CNBD1: variants seen among roughly 807,000 people sequenced by gnomAD.
CNBD1 encodes the protein cyclic nucleotide-binding domain-containing protein 1.
A neutral mutation model predicts 54.4 loss-of-function variants in CNBD1; 71 were observed. The observed-to-expected ratio is 1.30, with a 90% CI of 1.08 to 1.59. CNBD1 has a LOEUF of 1.59. Ranked by LOEUF, CNBD1 falls within the 40% of genes most tolerant of loss-of-function variation. The pLI, the probability that CNBD1 is intolerant of heterozygous loss-of-function variation, is 0.00. For synonymous variants in CNBD1, 182 were observed against 170.7 expected, an observed-to-expected ratio of 1.07 and a Z score of -0.51; for missense variants, 659 against 518.0, an observed-to-expected ratio of 1.27 and a Z score of -2.64.
intron 8 of CNBD1, among the ~76,000 whole-genome samples, chr8:87,305,238 C>T (rs1257430381): frequency 1.3e-5 from 2 of 152,100 alleles, no homozygotes; most frequent in African/African-American, 4.8e-5. Flanking sequence ...CTACCAAACA[C>T]TGCTGAAAGA....
At chr8:87,354,269 T>G (rs928712923) in intron 10 of CNBD1, among the ~76,000 whole-genome samples, 1 of 128,686 alleles carries the variant, frequency 7.8e-6, no homozygotes, top group Non-Finnish European at 1.8e-5. Context: ...AGTCACACAA[T>G]AGTAAGTGAA....
intron 8 of CNBD1, among the ~76,000 whole-genome samples, chr8:87,339,449 C>A (rs1810020271): frequency 6.6e-6 from 1 of 151,768 alleles, no homozygotes; most frequent in Non-Finnish European, 1.5e-5. Context: ...TTTTGTGTAT[C>A]AATCTCTCCA....
intron 10 of CNBD1, among the ~76,000 whole-genome samples, chr8:87,374,973 CA>C (rs1810895662): frequency 6.7e-6 from 1 of 150,150 alleles, no homozygotes; most frequent in Non-Finnish European, 1.5e-5. Flanking sequence ...GAGGAGTTCT[CA>C]AAACAAGTAA....
chr8:87,242,037 C>T (rs1180595985), intron 6 of CNBD1, among the ~76,000 whole-genome samples: 1 of 152,170 alleles, frequency 6.6e-6, no homozygotes, highest in Non-Finnish European at 1.5e-5. Context: ...GGGGGTCAGA[C>T]ATTCCTCATT....
chr8:86,955,285 A>G (rs1447706831), intron 4 of CNBD1, among the ~76,000 whole-genome samples: 4 of 152,162 alleles, frequency 2.6e-5, no homozygotes, highest in South Asian at 2.1e-4. Context: ...TAGTGCCCCA[A>G]AAAACATACG....
intron 4 of CNBD1, among the ~76,000 whole-genome samples, chr8:86,966,826 C>G (rs1397804265): frequency 1.3e-5 from 2 of 152,150 alleles, no homozygotes; most frequent in Non-Finnish European, 2.9e-5. Context: ...ACAAAGCTTC[C>G]ACAGCATGGA....
intron 4 of CNBD1, among the ~76,000 whole-genome samples, chr8:87,019,389 T>A (rs1262731804): frequency 6.6e-6 from 1 of 152,224 alleles, no homozygotes; most frequent in African/African-American, 2.4e-5. Context: ...TAGATTTATA[T>A]AACTTTCCCT....
chr8:87,015,977 C>CAAAAAAAAAAAAAAAA (rs58453987), intron 4 of CNBD1, among the ~76,000 whole-genome samples: 1 of 55,970 alleles, frequency 1.8e-5, no homozygotes, highest in Non-Finnish European at 3.2e-5. Flanking sequence ...GAATCCGTCT[C>CAAAAAAAAAAAAAAAA]AAAAAAAAAA....
chr8:86,971,893 T>C (rs1808227902), intron 4 of CNBD1, among the ~76,000 whole-genome samples: 1 of 152,202 alleles, frequency 6.6e-6, no homozygotes, highest in Admixed American at 6.5e-5. Flanking sequence ...CTGGGAATAA[T>C]TATCATTTTA....
intron 4 of CNBD1, among the ~76,000 whole-genome samples, chr8:87,128,517 T>A (rs1812047060): frequency 6.6e-6 from 1 of 152,196 alleles, no homozygotes; most frequent in African/African-American, 2.4e-5. Context: ...TTTTCACAGA[T>A]CCCCTTTATC....
intron 4 of CNBD1, among the ~76,000 whole-genome samples, chr8:87,152,942 A>T (rs1812637828): frequency 6.6e-6 from 1 of 152,144 alleles, no homozygotes; most frequent in Non-Finnish European, 1.5e-5. Context: ...TATCAAAACA[A>T]TTTCCAGTAA....
intron 2 of CNBD1, among the ~76,000 whole-genome samples, chr8:87,400,535 AAT>A (rs1482565626): frequency 6.6e-6 from 1 of 152,014 alleles, no homozygotes; most frequent in Non-Finnish European, 1.5e-5. Flanking sequence ...AATGGCCATC[AAT>A]AAAATTTTTC....
At chr8:87,362,250 G>A (rs1180908211) in intron 10 of CNBD1, among the ~76,000 whole-genome samples, 1 of 152,018 alleles carries the variant, frequency 6.6e-6, no homozygotes, top group Non-Finnish European at 1.5e-5. Flanking sequence ...AGAAACAAGG[G>A]CACAGTCTCC....
intron 4 of CNBD1, among the ~76,000 whole-genome samples, chr8:87,084,846 T>G (rs1019852488): frequency 6.6e-6 from 1 of 152,144 alleles, no homozygotes; most frequent in African/African-American, 2.4e-5. Context: ...CAGCTAATTT[T>G]GTATTTTTAG....
intron 4 of CNBD1, among the ~76,000 whole-genome samples, chr8:87,040,972 G>T (rs1039702295): frequency 1.3e-5 from 2 of 151,918 alleles, no homozygotes; most frequent in Non-Finnish European, 2.9e-5. Context: ...GATTACAAAA[G>T]TAATTGCAAA....
At chr8:87,360,812 T>C (rs1228141902) in intron 10 of CNBD1, among the ~76,000 whole-genome samples, 2 of 151,924 alleles carry the variant, frequency 1.3e-5, no homozygotes, top group Admixed American at 1.3e-4. Context: ...GTATAAACTA[T>C]CTGAAAGTTT....
intron 4 of CNBD1, among the ~76,000 whole-genome samples, chr8:87,127,692 A>G (rs1278109248): frequency 6.6e-6 from 1 of 152,172 alleles, no homozygotes; most frequent in Non-Finnish European, 1.5e-5. Flanking sequence ...GTTTAACAAG[A>G]GTGATGAGAA....
At chr8:86,873,348 G>T (rs933816352) in intron 1 of CNBD1, among the ~76,000 whole-genome samples, 1 of 151,746 alleles carries the variant, frequency 6.6e-6, no homozygotes, top group African/African-American at 2.4e-5. Context: ...TGATCTGCCC[G>T]CCTCGGCCTC....
intron 2 of CNBD1, among the ~76,000 whole-genome samples, chr8:87,401,328 G>A (rs1435581246): frequency 6.6e-6 from 1 of 151,936 alleles, no homozygotes; most frequent in East Asian, 1.9e-4. Context: ...GATTGCTAAT[G>A]CCTTGATTCC....
Sources: allele counts gnomAD v4.1 joint callset (sites outside exome capture counted in the v4.1 genomes callset), GRCh38; gene constraint gnomAD v4.1.1; transcripts MANE v1.5; gene names NCBI Gene and HGNC (gene_info 2026-07-23, HGNC 2026-07-21).